Variants in SRP54 observed in about 807,000 individuals in gnomAD.
SRP54 encodes signal recognition particle 54.
A neutral mutation model predicts 64.8 loss-of-function variants in SRP54; 10 were observed. The ratio of observed to expected loss-of-function variants is 0.15; its 90% CI spans 0.10 to 0.26. The LOEUF (loss-of-function observed/expected upper bound fraction) is 0.26. Among genes scored for constraint, SRP54 ranks in the 10% least tolerant of loss-of-function variants. The pLI, the probability that SRP54 is intolerant of heterozygous loss-of-function variation, is 1.00. For missense variants in SRP54, 325 were observed against 613.7 expected (o/e 0.53, Z 4.97); for synonymous variants, 193 against 185.6 (o/e 1.04, Z -0.32).
At chr14:35,000,906 C>T in intron 3 of SRP54, 30 bp from the exon 4 acceptor site, 1 of 1,366,246 alleles carries the variant, frequency 7.3e-7, no homozygotes, top group Non-Finnish European at 1.0e-6. Flanking sequence ...TTTCTCCTCC[C>T]CACCCCAATC....
intron 1 of SRP54, among the ~76,000 whole-genome samples, chr14:34,995,177 G>T (rs1356744606): frequency 8.2e-6 from 1 of 121,996 alleles, no homozygotes; most frequent in Non-Finnish European, 2.0e-5. Flanking sequence ...GTGTGTGTGT[G>T]TGTGTGTGTG....
chr14:34,991,501 GAAC>G (rs2043979169), intron 1 of SRP54, among the ~76,000 whole-genome samples: 1 of 151,604 alleles, frequency 6.6e-6, no homozygotes, highest in Admixed American at 6.6e-5. Flanking sequence ...GTTGATAATA[GAAC>G]AATAGGAAAA....
chr14:35,016,878 G>C (rs1432462365), intron 11 of SRP54, among the ~76,000 whole-genome samples: 1 of 116,398 alleles, frequency 8.6e-6, no homozygotes, highest in Non-Finnish European at 1.7e-5. Flanking sequence ...TTTTGAGACA[G>C]AGTTTCACTC....
rs2044688104 is a variant in SRP54, at chr14:35,029,333, A to G, written c.*181A>G. 1 of 470,484 alleles carries G rather than the reference A, an allele frequency of 2.1e-6. No homozygotes were observed. Among genetic ancestry groups the G allele is most frequent in the African/African-American group, 2.0e-5 (1 of 49,474 alleles). 29.1% of individuals were successfully genotyped at this position (470,484 alleles called of 1,614,324 possible). On this transcript the variant is annotated 3_prime_UTR_variant, in exon 16 of 16. Coordinates refer to ENST00000216774, the MANE Select transcript of SRP54 (RefSeq NM_003136.4). ...TTTTCCTTCCTTCTTTCCTCCCTTT[A>G]ATATAAGGGAGAAATACATGGTTTT...
intron 7 of SRP54, among the ~76,000 whole-genome samples, chr14:35,009,659 A>G (rs28589276): frequency 0.17 from 25,844 of 151,878 alleles, 2,372 homozygotes; most frequent in East Asian, 0.3. Context: ...TCAGCTTATA[A>G]GAGGTGTCAT....
At chr14:34,988,580 T>TATATATATATATAAC (rs2043934938) in intron 1 of SRP54, among the ~76,000 whole-genome samples, 2 of 22,442 alleles carry the variant, frequency 8.9e-5, no homozygotes, top group Non-Finnish European at 2.9e-4. Context: ...AAAAAAAAAA[T>TATATATATATATAAC]ATATATATAT....
At chr14:34,994,932 CTTT>C (rs59058538) in intron 1 of SRP54, among the ~76,000 whole-genome samples, 9,066 of 84,348 alleles carry the variant, frequency 0.11, 604 homozygotes, top group Non-Finnish European at 0.15. Context: ...TGCCTGGCTA[CTTT>C]TTTTTTTTTT....
At chr14:35,002,406 C>T (rs529900847) in intron 4 of SRP54, among the ~76,000 whole-genome samples, 7 of 151,400 alleles carry the variant, frequency 4.6e-5, no homozygotes, top group African/African-American at 1.7e-4. Context: ...CCCACTAGTT[C>T]TACAATCATT....
intron 8 of SRP54, among the ~76,000 whole-genome samples, chr14:35,012,702 C>T (rs1421188056): frequency 6.6e-6 from 1 of 152,116 alleles, no homozygotes; most frequent in East Asian, 1.9e-4. Flanking sequence ...CCCTGACTAC[C>T]TTACTAGAAA....
intron 2 of SRP54, among the ~76,000 whole-genome samples, chr14:34,998,490 T>C (rs2044104848): frequency 6.6e-6 from 1 of 152,134 alleles, no homozygotes; most frequent in Non-Finnish European, 1.5e-5. Context: ...CTGTCACATT[T>C]ACTTCCATAA....
At position 34,998,973 on chromosome 14, in the gene SRP54, A is replaced by ATGTGTG. The variant is rs34646567; in HGVS notation, c.79-550_79-545dup. Among the ~76,000 whole-genome samples, 122 of 63,686 alleles carry ATGTGTG rather than the reference A, an allele frequency of 1.9e-3. 4 individuals are homozygous for ATGTGTG. The highest frequency in any genetic ancestry group is 0.013 in the East Asian group (37 of 2,776). 41.8% of individuals were successfully genotyped at this position (63,686 alleles called of 152,430 possible). A position where few individuals can be genotyped will look rare whatever the true frequency, so the allele number is the denominator to read the frequency against. ...TTGTCTTTATTATTACTTTGTGTGT[A>ATGTGTG]TGTGTGTGTGTGTGTGTGTGTGTGT... On this transcript the variant is annotated intron_variant, in intron 2 of 15. Coordinates refer to ENST00000216774, the MANE Select transcript of SRP54 (RefSeq NM_003136.4).
rs28577270 is a variant in SRP54, at chr14:35,029,237, G to A, written c.*85G>A. The A allele has an allele frequency of 0.18, 181,916 of 985,796 alleles. 18,605 individuals are homozygous for A. Among genetic ancestry groups the A allele is most frequent in the East Asian group, 0.34 (12,057 of 35,354 alleles). The allele number at this position is 985,796 out of a possible 1,614,324, so 61.1% of individuals were successfully genotyped here. A position where few individuals can be genotyped will look rare whatever the true frequency, so the allele number is the denominator to read the frequency against. On this transcript the variant is annotated 3_prime_UTR_variant, in exon 16 of 16. Transcript: ENST00000216774. ...TTTCCCTTCTTTTTGCGAATTGGGG[G>A]GAAAGTGTATTTTTCTTGCTTATCA...
At chr14:35,004,950 T>A (rs1331580763) in intron 4 of SRP54, among the ~76,000 whole-genome samples, 1 of 152,222 alleles carries the variant, frequency 6.6e-6, no homozygotes, top group East Asian at 1.9e-4. Flanking sequence ...TTTTTATGGA[T>A]GGCTTGGCAG....
intron 15 of SRP54, 152 bp from the exon 16 acceptor site, chr14:35,028,909 A>G (rs746723587): frequency 8.6e-6 from 5 of 582,576 alleles, no homozygotes; most frequent in African/African-American, 3.8e-5. Context: ...GATAATACAA[A>G]TTTTTAGGTG....
intron 8 of SRP54, among the ~76,000 whole-genome samples, chr14:35,012,941 GTT>G (rs761844773): frequency 1.7e-5 from 2 of 118,416 alleles, no homozygotes; most frequent in African/African-American, 3.1e-5. Flanking sequence ...AAATGTTGTA[GTT>G]TTTTTTTTTT....
intron 14 of SRP54, among the ~76,000 whole-genome samples, chr14:35,024,701 T>C (rs1275366183): frequency 6.6e-6 from 1 of 151,638 alleles, no homozygotes; most frequent in Non-Finnish European, 1.5e-5. Flanking sequence ...AAGTTAACCT[T>C]CTCCATGTTG....
At chr14:35,015,419 G>C (rs2044422798) in intron 11 of SRP54, among the ~76,000 whole-genome samples, 1 of 152,072 alleles carries the variant, frequency 6.6e-6, no homozygotes, top group African/African-American at 2.4e-5. Flanking sequence ...TAGAACACAA[G>C]GATGAAATTA....
intron 7 of SRP54, 61 bp from the exon 8 acceptor site, chr14:35,011,448 C>A (rs750281754): frequency 1.7e-5 from 22 of 1,278,876 alleles, no homozygotes; most frequent in Non-Finnish European, 2.2e-5. Context: ...AATTAACTTT[C>A]CGAATTAGTA....
At chr14:35,002,540 C>T (rs940520900) in intron 4 of SRP54, among the ~76,000 whole-genome samples, 4 of 151,570 alleles carry the variant, frequency 2.6e-5, no homozygotes, top group Non-Finnish European at 5.9e-5. Context: ...TCAAGCAATT[C>T]TCCTGCCTCA....
Sources: gnomAD v4.1 joint callset for allele counts (sites outside exome capture counted in the v4.1 genomes callset) on GRCh38, gnomAD v4.1.1 for gene constraint, MANE v1.5 for transcripts, NCBI Gene and HGNC (gene_info 2026-07-23, HGNC 2026-07-21) for gene names.